ZER1: variants seen among roughly 807,000 people sequenced by gnomAD.
ZER1 encodes the protein zyg-11 related cell cycle regulator, also known as protein zer-1 homolog.
A neutral mutation model predicts 78.8 loss-of-function variants in ZER1; 11 were observed. The observed-to-expected ratio is 0.14, with a 90% CI of 0.09 to 0.23. The LOEUF (loss-of-function observed/expected upper bound fraction) is 0.23. Ranked by LOEUF, ZER1 falls within the 10% of genes least tolerant of loss-of-function variation. The pLI is 1.00. For synonymous variants in ZER1, 400 were observed against 407.0 expected (o/e 0.98, Z 0.21); for missense variants, 588 against 996.9 (o/e 0.59, Z 5.52).
intron 13 of ZER1, among the ~76,000 whole-genome samples, chr9:128,736,097 T>C (rs1863068180): frequency 6.6e-6 from 1 of 151,730 alleles, no homozygotes; most frequent in Non-Finnish European, 1.5e-5. Flanking sequence ...TACAGGCGCC[T>C]ACCACCAAAC....
At chr9:128,759,553 T>A (rs1589542100) in intron 1 of ZER1, among the ~76,000 whole-genome samples, 1 of 151,902 alleles carries the variant, frequency 6.6e-6, no homozygotes, top group Non-Finnish European at 1.5e-5. Context: ...CCCAGCACTT[T>A]GGGAGGCCAA....
intron 14 of ZER1, 118 bp from the exon 15 acceptor site, chr9:128,733,646 C>T: frequency 1.1e-6 from 1 of 877,650 alleles, no homozygotes; most frequent in Non-Finnish European, 1.8e-6. Flanking sequence ...AGGCACAGCC[C>T]TTGGTGGGGG....
At chr9:128,763,910 C>T (rs1864125709) in intron 1 of ZER1, among the ~76,000 whole-genome samples, 1 of 152,022 alleles carries the variant, frequency 6.6e-6, no homozygotes, top group Non-Finnish European at 1.5e-5. Flanking sequence ...TTGCTTGAAC[C>T]CGGGAGGCGG....
intron 8 of ZER1, among the ~76,000 whole-genome samples, chr9:128,747,067 C>G (rs904107759): frequency 4.6e-5 from 7 of 151,946 alleles, no homozygotes; most frequent in African/African-American, 1.7e-4. Flanking sequence ...GGCGTGGTGG[C>G]ATGCTCCTGT....
intron 10 of ZER1, 71 bp downstream of exon 10, chr9:128,741,729 C>T (rs997191803): frequency 1.1e-5 from 17 of 1,613,870 alleles, no homozygotes; most frequent in Non-Finnish European, 1.4e-5. Context: ...ACACAGACCT[C>T]CCCCAGGGGC....
At chr9:128,737,036 C>T (rs1176346534) in intron 13 of ZER1, among the ~76,000 whole-genome samples, 3 of 151,982 alleles carry the variant, frequency 2.0e-5, no homozygotes, top group Non-Finnish European at 4.4e-5. Flanking sequence ...CCCAGCTACT[C>T]GGGAGGCTGA....
rs1440597524 is a variant in ZER1 at position 128,735,236 on chromosome 9, G to A, written c.2140+98C>T. On this transcript the variant is annotated intron_variant, in intron 14 of 15. Transcript: ENST00000291900. The stretch of plus-strand genomic sequence containing the variant: ...CTGCTCTGAGGCACAAAAGCTGACA[G>A]CAGCAATTAATGCCCCCCTCCTGGA... 5 of 1,115,508 alleles carry A rather than the reference G, an allele frequency of 4.5e-6. No homozygotes were observed. The African/African-American group carries it at 4.7e-5, about 11-fold the overall frequency. 69.1% of individuals were successfully genotyped at this position (1,115,508 alleles called of 1,614,324 possible). A position where few individuals can be genotyped will look rare whatever the true frequency, so the allele number is the denominator to read the frequency against.
intron 13 of ZER1, among the ~76,000 whole-genome samples, chr9:128,737,741 TG>T (rs1341484805): frequency 6.6e-6 from 1 of 152,068 alleles, no homozygotes; most frequent in Non-Finnish European, 1.5e-5. Flanking sequence ...ATCACTCTGT[TG>T]CCCAGGCTGG....
chr9:128,736,853 AT>A (rs1387720774), intron 13 of ZER1, among the ~76,000 whole-genome samples: 2 of 150,562 alleles, frequency 1.3e-5, no homozygotes, highest in Non-Finnish European at 1.5e-5. Context: ...TTAAAAAAAA[AT>A]TTTTTTTGGC....
intron 15 of ZER1, 42 bp from the exon 16 acceptor site, chr9:128,731,436 G>GT: frequency 7.3e-7 from 1 of 1,369,748 alleles, no homozygotes. Flanking sequence ...GTGGGCTTGG[G>GT]TGGGGGTGAG....
rs1464470847 is a variant in ZER1 at position 128,753,144 on chromosome 9, G to A, written c.746+20C>T. 2.0e-6 allele frequency: 3 copies of A among 1,514,780 alleles called. No homozygotes were observed. Among genetic ancestry groups the A allele is most frequent in the Admixed American group, 2.0e-5 (1 of 49,280 alleles). The allele number at this position is 1,514,780 out of a possible 1,614,324, so 93.8% of individuals were successfully genotyped here. A position where few individuals can be genotyped will look rare whatever the true frequency, so the allele number is the denominator to read the frequency against. Reference sequence around the variant, plus strand: ...TGCCCCCCAAACCCCACCCTGGTGAGCTCTGGGCCAGGAGCTCACCGCAGC... The same window carrying A: ...TGCCCCCCAAACCCCACCCTGGTGAACTCTGGGCCAGGAGCTCACCGCAGC... On this transcript the variant is annotated intron_variant, in intron 4 of 15. Transcript: ENST00000291900. The surrounding 1 kb of genome is among the most constrained non-coding windows in gnomAD (Gnocchi z 7.5).
intron 13 of ZER1, among the ~76,000 whole-genome samples, chr9:128,737,234 T>G (rs1863115856): frequency 6.6e-6 from 1 of 151,868 alleles, no homozygotes; most frequent in Non-Finnish European, 1.5e-5. Flanking sequence ...TCTTCCTGCC[T>G]TGGCCTCCCA....
intron 4 of ZER1, 102 bp from the exon 5 acceptor site, chr9:128,752,951 C>T: frequency 7.0e-7 from 1 of 1,434,348 alleles, no homozygotes; most frequent in Non-Finnish European, 9.4e-7. Context: ...GGGCCCATTC[C>T]TGCCACAACT....
chr9:128,750,329 TC>T lies in ZER1; in HGVS notation c.1359+286del, dbSNP rs534520199. Among the ~76,000 whole-genome samples the T allele has an allele frequency of 8.8e-3, 1,342 of 152,160 alleles. 5 individuals carry two copies. The highest frequency in any genetic ancestry group is 0.015 in the Non-Finnish European group (1,029 of 68,010). ...ATTAAAAGCAGCTGTTGGTAAGAAA[TC>T]CCCCAGCAGAGTGTATGGGCAGAAG... is the stretch of plus-strand genomic sequence containing the variant. On this transcript the variant is annotated intron_variant, in intron 8 of 15. Transcript: ENST00000291900.
chr9:128,760,944 G>A (rs904196406), intron 1 of ZER1, among the ~76,000 whole-genome samples: 1 of 152,006 alleles, frequency 6.6e-6, no homozygotes, highest in South Asian at 2.1e-4. Flanking sequence ...CGAATCATGA[G>A]GTCAGGAGAT....
chr9:128,744,484 T>TA (rs1863419897), intron 8 of ZER1, among the ~76,000 whole-genome samples: 1 of 120,394 alleles, frequency 8.3e-6, no homozygotes, highest in South Asian at 2.3e-4. Context: ...GTGCAGGGCC[T>TA]TTTTTTTTTT....
At chr9:128,767,405 C>G (rs766299871) in intron 1 of ZER1, among the ~76,000 whole-genome samples, 3 of 151,948 alleles carry the variant, frequency 2.0e-5, no homozygotes, top group African/African-American at 4.8e-5. Context: ...ACCAACAGAC[C>G]TGGCTAATTT....
intron 1 of ZER1, among the ~76,000 whole-genome samples, chr9:128,761,426 A>G (rs1589544184): frequency 6.6e-6 from 1 of 151,596 alleles, no homozygotes; most frequent in Non-Finnish European, 1.5e-5. Flanking sequence ...ACCTGGGACT[A>G]CAGGCACCTG....
intron 8 of ZER1, among the ~76,000 whole-genome samples, chr9:128,744,940 G>T (rs991191842): frequency 1.1e-4 from 17 of 152,146 alleles, no homozygotes; most frequent in Non-Finnish European, 2.4e-4. Flanking sequence ...GACTCTAAGA[G>T]TTGGCTACTG....
Sources: gnomAD v4.1 joint callset for allele counts (sites outside exome capture counted in the v4.1 genomes callset) on GRCh38, gnomAD v4.1.1 for gene constraint, Gnocchi (gnomAD v3.1) non-coding constraint, MANE v1.5 for transcripts, NCBI Gene and HGNC (gene_info 2026-07-23, HGNC 2026-07-21) for gene names.